Variants in BAZ2B observed in about 807,000 individuals in gnomAD.
BAZ2B encodes the protein bromodomain adjacent to zinc finger domain protein 2B.
Under a neutral mutation model 246.0 loss-of-function variants are expected in BAZ2B, and 91 were observed. The observed-to-expected ratio is 0.37, with a 90% CI of 0.31 to 0.44. The LOEUF is 0.44. Among genes scored for constraint, BAZ2B ranks in the 20% least tolerant of loss-of-function variants. The pLI is 1.00. For missense variants in BAZ2B, 2,332 were observed against 2,533.7 expected (o/e 0.92, Z 1.71); for synonymous variants, 855 against 860.0 (o/e 0.99, Z 0.10).
chr2:159,343,634 T>C (rs1244946874), intron 31 of BAZ2B, among the ~76,000 whole-genome samples: 1 of 151,530 alleles, frequency 6.6e-6, no homozygotes, highest in Non-Finnish European at 1.5e-5. Context: ...GGCCAACAAA[T>C]ATATGAAAAA....
At chr2:159,467,387 C>T (rs746882995) in intron 3 of BAZ2B, among the ~76,000 whole-genome samples, 2 of 152,166 alleles carry the variant, frequency 1.3e-5, no homozygotes, top group African/African-American at 4.8e-5. Flanking sequence ...TTTATCTCTC[C>T]TCTTCTGGTT....
At chr2:159,572,115 G>A (rs1444171269) in intron 1 of BAZ2B, among the ~76,000 whole-genome samples, 2 of 152,196 alleles carry the variant, frequency 1.3e-5, no homozygotes, top group East Asian at 3.8e-4. Flanking sequence ...ACAGATCCAT[G>A]TGCTGAGAGG....
intron 2 of BAZ2B, among the ~76,000 whole-genome samples, chr2:159,553,044 G>C (rs1006430531): frequency 1.9e-4 from 29 of 152,096 alleles, no homozygotes; most frequent in Non-Finnish European, 3.7e-4. Context: ...TCCAAGGTAG[G>C]GAATGTAGTC....
At chr2:159,575,328 G>A (rs1685049955) in intron 1 of BAZ2B, among the ~76,000 whole-genome samples, 1 of 152,092 alleles carries the variant, frequency 6.6e-6, no homozygotes, top group South Asian at 2.1e-4. Flanking sequence ...CATGCAGAAA[G>A]GGAGAGTAGA....
chr2:159,621,711 C>A, the BAZ2B span, among the ~76,000 whole-genome samples: 1 of 152,200 alleles, frequency 6.6e-6, no homozygotes, highest in South Asian at 2.1e-4. Context: ...GTAGTTCATG[C>A]CTGTAATCCC....
At chr2:159,619,284 A>G (rs1293690815), upstream of BAZ2B, among the ~76,000 whole-genome samples, 2 of 151,922 alleles carry the variant, frequency 1.3e-5, no homozygotes, top group Admixed American at 6.5e-5. Flanking sequence ...GTAACTTATA[A>G]CAAAATACAT....
chr2:159,519,214 T>C (rs1466837041), intron 2 of BAZ2B, among the ~76,000 whole-genome samples: 2 of 26,478 alleles, frequency 7.6e-5, no homozygotes, highest in Non-Finnish European at 2.0e-4. Flanking sequence ...TATTTTCTTT[T>C]TTTTTTTTTT....
chr2:159,579,844 A>G (rs184255910), intron 1 of BAZ2B, among the ~76,000 whole-genome samples: 16 of 152,344 alleles, frequency 1.1e-4, no homozygotes, highest in African/African-American at 3.4e-4. Flanking sequence ...TAGATGCAGA[A>G]AAGGCCTTCA....
intron 3 of BAZ2B, chr2:159,462,948 T>A (rs1023500013): frequency 8.7e-7 from 1 of 1,154,616 alleles, no homozygotes; most frequent in African/African-American, 1.5e-5. Context: ...ACTTGCTTTT[T>A]TCTATAAGTG....
chr2:159,506,820 T>G (rs1483995696), intron 2 of BAZ2B, among the ~76,000 whole-genome samples: 2 of 152,052 alleles, frequency 1.3e-5, no homozygotes, highest in Non-Finnish European at 2.9e-5. Context: ...TTTTCCACCC[T>G]CAGTAATTTG....
At chr2:159,556,411 C>T (rs1005044076) in intron 1 of BAZ2B, among the ~76,000 whole-genome samples, 1 of 139,938 alleles carries the variant, frequency 7.1e-6, no homozygotes, top group Non-Finnish European at 1.5e-5. Context: ...AAAACTATTT[C>T]CTAAACTGTA....
chr2:159,589,908 C>T (rs186622709), intron 1 of BAZ2B, among the ~76,000 whole-genome samples: 10 of 152,156 alleles, frequency 6.6e-5, no homozygotes, highest in Admixed American at 3.3e-4. Flanking sequence ...CCAGCAAGGC[C>T]GGGCCCGATG....
intron 1 of BAZ2B, among the ~76,000 whole-genome samples, chr2:159,563,109 T>C (rs924902946): frequency 1.3e-5 from 2 of 152,228 alleles, no homozygotes; most frequent in African/African-American, 4.8e-5. Context: ...TTATCATTAC[T>C]AATAAATACA....
chr2:159,520,322 T>C lies in BAZ2B; in HGVS notation c.-3+35501A>G, dbSNP rs904002267. Among the ~76,000 whole-genome samples, 10 of 152,324 alleles carry C rather than the reference T, an allele frequency of 6.6e-5. No individual in the cohort carries two copies. The South Asian group carries it at 2.1e-3, about 32-fold the overall frequency. On this transcript the variant is annotated intron_variant, in intron 2 of 36. Coordinates refer to ENST00000392783, the MANE Select transcript of BAZ2B (RefSeq NM_013450.4). ...CCTCCTGCCTCCCAGATTATGCTTA[T>C]GTTGTTTCATATCTCTTCTCCTACC...
At chr2:159,588,896 T>C (rs1688663528) in intron 1 of BAZ2B, among the ~76,000 whole-genome samples, 1 of 152,184 alleles carries the variant, frequency 6.6e-6, no homozygotes, top group Admixed American at 6.5e-5. Flanking sequence ...ACACATTTTA[T>C]ATAGTCAGCC....
chr2:159,449,253 T>C (rs1461579176), intron 4 of BAZ2B, among the ~76,000 whole-genome samples: 1 of 152,170 alleles, frequency 6.6e-6, no homozygotes, highest in East Asian at 1.9e-4. Flanking sequence ...TGAAGTAATC[T>C]TATATTGACC....
At chr2:159,323,801 C>A (rs76366252) in intron 36 of BAZ2B, among the ~76,000 whole-genome samples, 59 of 127,414 alleles carry the variant, frequency 4.6e-4, no homozygotes, top group Non-Finnish European at 5.8e-4. Flanking sequence ...GAAACTCTCT[C>A]AAAAAAAAAA....
intron 2 of BAZ2B, among the ~76,000 whole-genome samples, chr2:159,513,126 A>G (rs1044729528): frequency 2.6e-5 from 4 of 152,214 alleles, no homozygotes; most frequent in Admixed American, 2.6e-4. Flanking sequence ...TTTACATGAC[A>G]GTACTAAAGT....
intron 2 of BAZ2B, chr2:159,555,400 T>C (rs1186414102): frequency 6.6e-6 from 1 of 152,126 alleles, no homozygotes; most frequent in Non-Finnish European, 1.5e-5. Context: ...CTACCAAGGC[T>C]ACATTTTCAT....
Sources: gnomAD v4.1 joint callset for allele counts (sites outside exome capture counted in the v4.1 genomes callset) on GRCh38, gnomAD v4.1.1 for gene constraint, MANE v1.5 for transcripts, NCBI Gene and HGNC (gene_info 2026-07-23, HGNC 2026-07-21) for gene names.